Variants in VIT observed in about 807,000 individuals in gnomAD.
VIT encodes the protein vitrin.
Under a neutral mutation model 78.0 loss-of-function variants are expected in VIT, and 99 were observed. The ratio of observed to expected loss-of-function variants is 1.27; its 90% CI spans 1.08 to 1.50. The LOEUF (loss-of-function observed/expected upper bound fraction) is 1.50. Ranked by LOEUF, VIT falls within the 40% of genes most tolerant of loss-of-function variation. The probability of loss-of-function intolerance (pLI) is 0.00; values close to 1 mark genes in which losing one functional copy is unlikely to be tolerated. For missense variants in VIT, 1,126 were observed against 875.3 expected (o/e 1.29, Z -3.61); for synonymous variants, 374 against 334.3 (o/e 1.12, Z -1.29).
At chr2:36,792,660 CATT>C (rs1272804795) in intron 12 of VIT, among the ~76,000 whole-genome samples, 6 of 152,228 alleles carry the variant, frequency 3.9e-5, no homozygotes, top group Non-Finnish European at 4.4e-5. Flanking sequence ...GCCCAGGTAT[CATT>C]ATTTTTTAGA....
At chr2:36,772,653 G>A (rs906960109) in intron 7 of VIT, among the ~76,000 whole-genome samples, 2 of 152,218 alleles carry the variant, frequency 1.3e-5, no homozygotes, top group African/African-American at 4.8e-5. Flanking sequence ...GCTGCAGTGA[G>A]CTATGATCAC....
chr2:36,796,037 A>G (rs1400816720), intron 12 of VIT, among the ~76,000 whole-genome samples: 1 of 152,008 alleles, frequency 6.6e-6, no homozygotes, highest in Non-Finnish European at 1.5e-5. Flanking sequence ...AAAGTACTGA[A>G]ATAATATCTA....
chr2:36,790,946 C>T (rs138119995), intron 12 of VIT, among the ~76,000 whole-genome samples: 3 of 152,234 alleles, frequency 2.0e-5, no homozygotes, highest in Non-Finnish European at 4.4e-5. Flanking sequence ...ACTCTAGTAA[C>T]GTGGCCAAAC....
chr2:36,788,057 G>A (rs139256671), intron 12 of VIT: 20 of 280,056 alleles, frequency 7.1e-5, no homozygotes, highest in East Asian at 4.9e-4. Context: ...AAGAACAAGC[G>A]TGCATAATCT....
intron 12 of VIT, chr2:36,788,024 A>G (rs1450644145): frequency 6.7e-6 from 2 of 298,570 alleles, no homozygotes; most frequent in African/African-American, 4.5e-5. Context: ...ACAGATACAT[A>G]GATATTGATA....
At chr2:36,738,382 G>T (rs902046223) in intron 3 of VIT, among the ~76,000 whole-genome samples, 6 of 152,126 alleles carry the variant, frequency 3.9e-5, no homozygotes, top group African/African-American at 1.4e-4. Context: ...TCTGAAAAAT[G>T]AAGACTAATG....
At chr2:36,760,742 G>T (rs1669067438) in intron 6 of VIT, among the ~76,000 whole-genome samples, 1 of 152,152 alleles carries the variant, frequency 6.6e-6, no homozygotes, top group Non-Finnish European at 1.5e-5. Context: ...CTCTTGTTGG[G>T]CCAGAAATCT....
At chr2:36,775,633 T>C (rs1670003733) in intron 9 of VIT, among the ~76,000 whole-genome samples, 1 of 152,200 alleles carries the variant, frequency 6.6e-6, no homozygotes, top group Non-Finnish European at 1.5e-5. Flanking sequence ...ATGCTCCCAA[T>C]AATGCCACTC....
At chr2:36,765,416 A>G (rs1669363220) in intron 6 of VIT, among the ~76,000 whole-genome samples, 1 of 132,348 alleles carries the variant, frequency 7.6e-6, no homozygotes. Flanking sequence ...GCAGCAGGCG[A>G]GAGAGAGAGA....
intron 15 of VIT, among the ~76,000 whole-genome samples, chr2:36,811,116 G>A (rs145306459): frequency 4.3e-4 from 66 of 152,306 alleles, no homozygotes; most frequent in African/African-American, 1.6e-3. Flanking sequence ...AGCCTGTAGG[G>A]CACCCTCATA....
chr2:36,730,204 C>G (rs1198003005), intron 3 of VIT, among the ~76,000 whole-genome samples: 1 of 151,454 alleles, frequency 6.6e-6, no homozygotes, highest in African/African-American at 2.4e-5. Context: ...ACGAGAATCA[C>G]TTGAACCTGG....
chr2:36,799,970 C>T (rs888043366), intron 12 of VIT, among the ~76,000 whole-genome samples: 3 of 151,780 alleles, frequency 2.0e-5, no homozygotes, highest in Admixed American at 1.3e-4. Context: ...ATCACTTGAA[C>T]CCGGGAGGTG....
At chr2:36,749,367 C>T (rs562264103) in intron 4 of VIT, among the ~76,000 whole-genome samples, 21 of 152,238 alleles carry the variant, frequency 1.4e-4, no homozygotes, top group Admixed American at 4.6e-4. Flanking sequence ...GGAGGCATGG[C>T]ATGCTTTGGA....
chr2:36,773,377 T>C (rs958077988), intron 7 of VIT, among the ~76,000 whole-genome samples: 4 of 151,724 alleles, frequency 2.6e-5, no homozygotes, highest in African/African-American at 7.3e-5. Context: ...TGCCCAAATA[T>C]AGAGCTTCAC....
Position 36,814,289 on chromosome 2 carries a change from C to T in VIT, c.2010C>T (p.Asp670=). The change falls in exon 16 of 16, where the codon GAC becomes GAT. Residue 670 remains aspartate, a synonymous_variant. Coordinates refer to ENST00000379242, the MANE Select transcript of VIT (RefSeq NM_053276.4). ...RDHSFFVDEF[D]NLHQYVPRII... is the part of the protein sequence containing the mutation. ...ACTCCTTCTTTGTGGACGAGTTTGA[C>T]AACCTCCATCAGTATGTCCCCAGGA... 6.2e-7 allele frequency: 1 copy of T among 1,614,244 alleles called. No homozygotes were observed. The highest frequency in any genetic ancestry group is 8.5e-7 in the Non-Finnish European group (1 of 1,180,046).
chr2:36,698,398 C>A (rs1006947289), intron 1 of VIT, among the ~76,000 whole-genome samples: 1 of 152,124 alleles, frequency 6.6e-6, no homozygotes, highest in Non-Finnish European at 1.5e-5. Context: ...AGCTATGATT[C>A]CTATAAGACA....
chr2:36,752,318 C>T (rs1668511478), intron 4 of VIT, among the ~76,000 whole-genome samples: 1 of 152,182 alleles, frequency 6.6e-6, no homozygotes, highest in African/African-American at 2.4e-5. Context: ...ACGCTGATCT[C>T]TGACCAGTGC....
chr2:36,758,559 C>T (rs1200783462), intron 5 of VIT, among the ~76,000 whole-genome samples: 1 of 152,194 alleles, frequency 6.6e-6, no homozygotes, highest in East Asian at 1.9e-4. Flanking sequence ...GAATCCCACA[C>T]GGTCTGTGAA....
In VIT at chr2:36,763,933, C is replaced by T. The variant is rs546699679; in HGVS notation, c.488-3161C>T. ...GAGAGCAGGCAAAAACAACAGCCCA[C>T]GGAAGCCCGTGGAAGCCCATGGCTG... On this transcript the variant is annotated intron_variant, in intron 6 of 15. Coordinates refer to ENST00000379242, the MANE Select transcript of VIT (RefSeq NM_053276.4). Among the ~76,000 whole-genome samples, 11 of 152,262 alleles carry T rather than the reference C, an allele frequency of 7.2e-5. No individual in the cohort carries two copies. The South Asian group carries it at 1.2e-3, about 17-fold the overall frequency.
Sources: allele counts gnomAD v4.1 joint callset (sites outside exome capture counted in the v4.1 genomes callset), GRCh38; gene constraint gnomAD v4.1.1; transcripts MANE v1.5; gene names NCBI Gene and HGNC (gene_info 2026-07-23, HGNC 2026-07-21).